The following KCNQ5 variants were observed in gnomAD, a reference collection of about 807,000 sequenced individuals.
KCNQ5 encodes potassium voltage-gated channel subfamily KQT member 5.
KCNQ5 carries 30 observed loss-of-function variants against 98.2 expected under a neutral mutation model. That is an observed-to-expected ratio of 0.31 (90% CI 0.23 to 0.41). KCNQ5 has a LOEUF of 0.41. Among genes scored for constraint, KCNQ5 ranks in the 10% least tolerant of loss-of-function variants. KCNQ5 has a pLI of 1.00. For synonymous variants in KCNQ5, 458 were observed against 449.4 expected (o/e 1.02, Z -0.24); for missense variants, 835 against 1,182.5 (o/e 0.71, Z 4.31).
chr6:72,876,764 C>T (rs1457314864), intron 1 of KCNQ5, among the ~76,000 whole-genome samples: 1 of 152,160 alleles, frequency 6.6e-6, no homozygotes, highest in East Asian at 1.9e-4. Flanking sequence ...TTGTTTATCA[C>T]AGAAGCAAAA....
At chr6:73,128,807 T>C (rs1776101877) in intron 9 of KCNQ5, among the ~76,000 whole-genome samples, 1 of 152,224 alleles carries the variant, frequency 6.6e-6, no homozygotes, top group Non-Finnish European at 1.5e-5. Flanking sequence ...GTTGTAAAGA[T>C]GCATGTCTTA....
At chr6:72,947,955 AT>A (rs1196372959) in intron 1 of KCNQ5, among the ~76,000 whole-genome samples, 1 of 152,116 alleles carries the variant, frequency 6.6e-6, no homozygotes, top group South Asian at 2.1e-4. Flanking sequence ...TTTAAAAAAC[AT>A]TTTAAAAAAC....
chr6:72,766,919 AT>A (rs1772603877), intron 1 of KCNQ5, among the ~76,000 whole-genome samples: 1 of 152,010 alleles, frequency 6.6e-6, no homozygotes, highest in Non-Finnish European at 1.5e-5. Flanking sequence ...TAAAGATGGT[AT>A]TTAAGCTATG....
intron 5 of KCNQ5, among the ~76,000 whole-genome samples, chr6:73,087,286 C>T (rs1215630479): frequency 6.6e-6 from 1 of 152,126 alleles, no homozygotes. Flanking sequence ...ATCAACAGGA[C>T]TTGCTGATAG....
chr6:73,127,508 G>A (rs1246403564), intron 9 of KCNQ5, among the ~76,000 whole-genome samples: 1 of 152,156 alleles, frequency 6.6e-6, no homozygotes, highest in Admixed American at 6.5e-5. Context: ...TGGGTGCCTG[G>A]CACTCTCACC....
At chr6:72,746,335 C>G (rs1771406491) in intron 1 of KCNQ5, among the ~76,000 whole-genome samples, 1 of 152,056 alleles carries the variant, frequency 6.6e-6, no homozygotes, top group East Asian at 1.9e-4. Flanking sequence ...TATTGTTGAC[C>G]TGCCCCAAGA....
At chr6:73,064,049 A>C (rs2150378722) in intron 3 of KCNQ5, among the ~76,000 whole-genome samples, 1 of 152,284 alleles carries the variant, frequency 6.6e-6, no homozygotes, top group Admixed American at 6.5e-5. Flanking sequence ...TAATACTTAG[A>C]ATGAATTCCC....
At chr6:73,043,065 T>C in intron 3 of KCNQ5, 1 of 349,078 alleles carries the variant, frequency 2.9e-6, no homozygotes, top group South Asian at 2.5e-5. Flanking sequence ...TGTTTTGTTT[T>C]AGGAGTCAGG....
chr6:72,670,636 G>C (rs1352739883), intron 1 of KCNQ5, among the ~76,000 whole-genome samples: 1 of 152,182 alleles, frequency 6.6e-6, no homozygotes, highest in Non-Finnish European at 1.5e-5. Context: ...CTGGATGCTA[G>C]AAGTCCCAGA....
intron 1 of KCNQ5, among the ~76,000 whole-genome samples, chr6:72,977,963 T>G (rs1768237220): frequency 6.6e-6 from 1 of 152,206 alleles, no homozygotes; most frequent in Non-Finnish European, 1.5e-5. Context: ...AATTGATTAG[T>G]ACCTGTACCA....
chr6:72,638,033 T>C (rs540839934), intron 1 of KCNQ5, among the ~76,000 whole-genome samples: 1 of 152,342 alleles, frequency 6.6e-6, no homozygotes, highest in Admixed American at 6.5e-5. Flanking sequence ...CCTAGTTATG[T>C]AGGTCCTACT....
intron 1 of KCNQ5, among the ~76,000 whole-genome samples, chr6:72,672,068 G>A (rs139336994): frequency 0.039 from 5,949 of 150,664 alleles, 130 homozygotes; most frequent in Middle Eastern, 0.14. Context: ...CGCCCGCCTC[G>A]GCCTCCCAAA....
intron 1 of KCNQ5, among the ~76,000 whole-genome samples, chr6:72,992,836 C>T (rs1203671482): frequency 1.9e-5 from 2 of 104,704 alleles, no homozygotes; most frequent in Non-Finnish European, 3.6e-5. Context: ...CCTTCAAGAG[C>T]TCTTTTAGGG....
At chr6:72,722,081 A>T (rs2154475398) in intron 1 of KCNQ5, among the ~76,000 whole-genome samples, 1 of 152,288 alleles carries the variant, frequency 6.6e-6, no homozygotes, top group Non-Finnish European at 1.5e-5. Context: ...GACTGGAGTG[A>T]TACAAGGAAG....
At chr6:72,853,438 G>A (rs1032680871) in intron 1 of KCNQ5, among the ~76,000 whole-genome samples, 1 of 151,016 alleles carries the variant, frequency 6.6e-6, no homozygotes, top group African/African-American at 2.5e-5. Context: ...TCGCCTCCCA[G>A]CTTCAAGCAA....
At chr6:72,920,822 C>T (rs1780358296) in intron 1 of KCNQ5, among the ~76,000 whole-genome samples, 1 of 152,130 alleles carries the variant, frequency 6.6e-6, no homozygotes, top group East Asian at 1.9e-4. Context: ...ACTAGGGAGT[C>T]AAGGGGTTCT....
intron 1 of KCNQ5, among the ~76,000 whole-genome samples, chr6:72,760,544 A>G (rs1029843820): frequency 6.6e-6 from 1 of 151,948 alleles, no homozygotes; most frequent in Non-Finnish European, 1.5e-5. Context: ...ACATAGATAC[A>G]GTTCAGCTTT....
At chr6:72,780,052 T>C (rs2154477824) in intron 1 of KCNQ5, among the ~76,000 whole-genome samples, 1 of 152,268 alleles carries the variant, frequency 6.6e-6, no homozygotes, top group Non-Finnish European at 1.5e-5. Flanking sequence ...TCTTGCATAA[T>C]TTTTCAGTTG....
intron 1 of KCNQ5, among the ~76,000 whole-genome samples, chr6:72,885,517 G>A (rs529265617): frequency 1.3e-5 from 2 of 152,250 alleles, no homozygotes; most frequent in Middle Eastern, 3.4e-3. Context: ...TGGGAAATTT[G>A]AAGCACTATG....
Sources: gnomAD v4.1 joint callset for allele counts (sites outside exome capture counted in the v4.1 genomes callset) on GRCh38, gnomAD v4.1.1 for gene constraint, MANE v1.5 for transcripts, NCBI Gene and HGNC (gene_info 2026-07-23, HGNC 2026-07-21) for gene names.